The following FARS2 variants were observed in gnomAD, a reference collection of about 807,000 sequenced individuals.
FARS2 encodes the protein phenylalanyl-tRNA synthetase 2, mitochondrial, also known as phenylalanine--tRNA ligase, mitochondrial.
A neutral mutation model predicts 46.4 loss-of-function variants in FARS2; 40 were observed. That is an observed-to-expected ratio of 0.86 (90% confidence interval 0.67 to 1.12). The LOEUF (loss-of-function observed/expected upper bound fraction) is 1.12, where lower values mean the gene tolerates loss of function less well. Among genes scored for constraint, FARS2 ranks in the 50% most tolerant of loss-of-function variants. The pLI, the probability that FARS2 is intolerant of heterozygous loss-of-function variation, is 0.00. For synonymous variants in FARS2, 234 were observed against 214.9 expected (o/e 1.09, Z -0.78); for missense variants, 513 against 567.9 (o/e 0.90, Z 0.98).
chr6:5,267,545 T>G (rs1211856412), intron 1 of FARS2, among the ~76,000 whole-genome samples: 1 of 151,882 alleles, frequency 6.6e-6, no homozygotes, highest in East Asian at 1.9e-4. Flanking sequence ...GGTCAGGAGA[T>G]GGAGACCATC....
At chr6:5,633,222 C>T (rs1477356410) in intron 6 of FARS2, among the ~76,000 whole-genome samples, 1 of 148,724 alleles carries the variant, frequency 6.7e-6, no homozygotes, top group African/African-American at 2.5e-5. Context: ...CCTCAACCTC[C>T]TGAGTAACAA....
intron 6 of FARS2, among the ~76,000 whole-genome samples, chr6:5,755,349 C>A (rs1762152285): frequency 6.6e-6 from 1 of 152,102 alleles, no homozygotes; most frequent in Admixed American, 6.5e-5. Flanking sequence ...AGCCTCCCAC[C>A]CCTTGAGAGA....
At chr6:5,309,717 G>A (rs1452805950) in intron 1 of FARS2, among the ~76,000 whole-genome samples, 1 of 152,010 alleles carries the variant, frequency 6.6e-6, no homozygotes, top group Non-Finnish European at 1.5e-5. Flanking sequence ...AATGGAAAAA[G>A]GAACAGGTTA....
chr6:5,355,283 C>G (rs750242612), intron 1 of FARS2, among the ~76,000 whole-genome samples: 1 of 149,474 alleles, frequency 6.7e-6, no homozygotes, highest in African/African-American at 2.5e-5. Flanking sequence ...GAATTTACTT[C>G]TTTCTATTTT....
intron 6 of FARS2, among the ~76,000 whole-genome samples, chr6:5,668,408 G>A (rs563999580): frequency 3.3e-5 from 5 of 152,284 alleles, no homozygotes; most frequent in Admixed American, 3.3e-4. Flanking sequence ...CACTGTTAGG[G>A]TTATCTGCGT....
intron 6 of FARS2, among the ~76,000 whole-genome samples, chr6:5,655,299 C>T (rs1777557096): frequency 6.6e-6 from 1 of 152,202 alleles, no homozygotes; most frequent in Admixed American, 6.5e-5. Context: ...GAGCAGTAAT[C>T]CTTTTTAGCA....
intron 6 of FARS2, among the ~76,000 whole-genome samples, chr6:5,759,976 G>A (rs576451458): frequency 1.3e-5 from 2 of 152,232 alleles, no homozygotes; most frequent in African/African-American, 2.4e-5. Context: ...TATTGTAGAC[G>A]GAGGAGGTGC....
chr6:5,281,376 A>T (rs944737648), intron 1 of FARS2, among the ~76,000 whole-genome samples: 10 of 152,212 alleles, frequency 6.6e-5, no homozygotes, highest in African/African-American at 2.2e-4. Context: ...AGAAATGAAA[A>T]GAACCTGTAG....
intron 5 of FARS2, among the ~76,000 whole-genome samples, chr6:5,606,543 A>C (rs7747835): frequency 0.041 from 6,200 of 152,208 alleles, 151 homozygotes; most frequent in Middle Eastern, 0.058. Context: ...GAAGTGAAAA[A>C]GAAGGAAAGG....
chr6:5,612,825 T>C (rs1351998277), intron 5 of FARS2, among the ~76,000 whole-genome samples: 1 of 152,314 alleles, frequency 6.6e-6, no homozygotes, highest in South Asian at 2.1e-4. Context: ...ATGAATTGCA[T>C]GTTAATTAAA....
intron 3 of FARS2, 151 bp downstream of exon 3, chr6:5,404,852 T>G (rs1000342257): frequency 1.9e-6 from 1 of 531,540 alleles, no homozygotes; most frequent in Admixed American, 4.0e-5. Flanking sequence ...CAGGCTGGAG[T>G]ATAGTGGTGC....
intron 5 of FARS2, among the ~76,000 whole-genome samples, chr6:5,585,262 C>G (rs1773553139): frequency 6.6e-6 from 1 of 152,044 alleles, no homozygotes; most frequent in Admixed American, 6.6e-5. Flanking sequence ...TTACTACAAT[C>G]AAATTAATTA....
At chr6:5,633,897 A>C (rs938260318) in intron 6 of FARS2, among the ~76,000 whole-genome samples, 2 of 152,198 alleles carry the variant, frequency 1.3e-5, no homozygotes, top group African/African-American at 4.8e-5. Context: ...TTATATACCC[A>C]AAATACTAGT....
At chr6:5,606,799 C>T (rs77961114) in intron 5 of FARS2, among the ~76,000 whole-genome samples, 2,254 of 152,278 alleles carry the variant, frequency 0.015, 73 homozygotes, top group East Asian at 0.12. Context: ...AGCTGAAAAC[C>T]CTCAAGCTTG....
intron 4 of FARS2, among the ~76,000 whole-genome samples, chr6:5,461,381 T>G (rs979831864): frequency 1.3e-5 from 2 of 152,198 alleles, no homozygotes; most frequent in African/African-American, 2.4e-5. Flanking sequence ...AGCCAGTTTT[T>G]CTCCCTGGGA....
At chr6:5,468,903 G>A (rs1254890399) in intron 4 of FARS2, among the ~76,000 whole-genome samples, 3 of 152,156 alleles carry the variant, frequency 2.0e-5, no homozygotes, top group Non-Finnish European at 4.4e-5. Flanking sequence ...AAGGATTTCC[G>A]TATCTGGAAT....
chr6:5,467,165 G>T (rs1765559679), intron 4 of FARS2: 2 of 795,120 alleles, frequency 2.5e-6, no homozygotes, highest in Non-Finnish European at 3.0e-6. Context: ...TCTATCTGTG[G>T]TTTACATTTT....
chr6:5,363,218 G>A (rs527360741), intron 1 of FARS2, among the ~76,000 whole-genome samples: 223 of 151,838 alleles, frequency 1.5e-3, no homozygotes, highest in African/African-American at 5.2e-3. Flanking sequence ...GAGCCACCTC[G>A]CCCAGCCCCT....
intron 6 of FARS2, among the ~76,000 whole-genome samples, chr6:5,748,926 C>T (rs1240031925): frequency 1.3e-5 from 2 of 152,220 alleles, no homozygotes; most frequent in African/African-American, 4.8e-5. Flanking sequence ...GTTCAGATGT[C>T]ATGAAGAGTA....
Sources: gnomAD v4.1 joint callset for allele counts (sites outside exome capture counted in the v4.1 genomes callset) on GRCh38, gnomAD v4.1.1 for gene constraint, MANE v1.5 for transcripts, NCBI Gene and HGNC (gene_info 2026-07-23, HGNC 2026-07-21) for gene names.